DYNLL2: variants seen among roughly 807,000 people sequenced by gnomAD.
DYNLL2 encodes the protein dynein light chain 2, cytoplasmic.
DYNLL2 carries 1 observed loss-of-function variant against 9.7 expected under a neutral mutation model. That is an observed-to-expected ratio of 0.10 (90% CI 0.04 to 0.49). The LOEUF (loss-of-function observed/expected upper bound fraction) is 0.49. DYNLL2 is among the 20% of genes least tolerant of loss of function. The probability of loss-of-function intolerance (pLI) is 0.95; values close to 1 mark genes in which losing one functional copy is unlikely to be tolerated. For missense variants in DYNLL2, 37 were observed against 115.2 expected (o/e 0.32, Z 3.11); for synonymous variants, 35 against 40.5 (o/e 0.86, Z 0.52).
Position 58,089,558 on chromosome 17 carries a change from T to C in DYNLL2, c.*279T>C. On this transcript the variant is annotated 3_prime_UTR_variant, in exon 3 of 3. Transcript: ENST00000579991. ...CTAGGAAATCTCTCCCACCTCTCCC[T>C]TTTCTCTTTCTTTCCCTATACAAAA... 1 of 458,318 alleles carries C rather than the reference T, an allele frequency of 2.2e-6. No homozygotes were observed. Among genetic ancestry groups the C allele is most frequent in the South Asian group, 5.5e-5 (1 of 18,164 alleles). The allele number at this position is 458,318 out of a possible 1,614,324, so 28.4% of individuals were successfully genotyped here.
At chr17:58,083,989 G>C (rs1379137515) in intron 1 of DYNLL2, among the ~76,000 whole-genome samples, 1 of 151,906 alleles carries the variant, frequency 6.6e-6, no homozygotes, top group Non-Finnish European at 1.5e-5. Flanking sequence ...TCTGCGCTGC[G>C]TGGAGGCCCC....
chr17:58,088,156 C>T (rs2075767204), intron 2 of DYNLL2, among the ~76,000 whole-genome samples: 3 of 89,232 alleles, frequency 3.4e-5, no homozygotes, highest in African/African-American at 8.3e-5. Context: ...CTGTCCTGTA[C>T]TCTGAGAGCC....
intron 2 of DYNLL2, among the ~76,000 whole-genome samples, chr17:58,088,877 A>G (rs1472348947): frequency 1.3e-5 from 2 of 151,928 alleles, no homozygotes; most frequent in Non-Finnish European, 2.9e-5. Flanking sequence ...GGGAGGAGAG[A>G]TGATCAGGGT....
chr17:58,089,043 A>G, intron 2 of DYNLL2, 99 bp from the exon 3 acceptor site: 1 of 1,476,804 alleles, frequency 6.8e-7, no homozygotes, highest in East Asian at 2.3e-5. Flanking sequence ...TAACAACCAA[A>G]CGTGTCGGTG....
At chr17:58,088,693 C>T (rs190079107) in intron 2 of DYNLL2, among the ~76,000 whole-genome samples, 106 of 152,266 alleles carry the variant, frequency 7.0e-4, no homozygotes, top group African/African-American at 2.4e-3. Context: ...GCTCTAATGC[C>T]TTGGTGTTTA....
At position 58,094,024 on chromosome 17, in the gene DYNLL2, CCT is replaced by C. The variant is rs1851292721; in HGVS notation, c.*4749_*4750del. The C allele has an allele frequency of 6.6e-6, 1 of 152,160 alleles. No homozygotes were observed. Among genetic ancestry groups the C allele is most frequent in the Admixed American group, 6.5e-5 (1 of 15,272 alleles). The allele number at this position is 152,160 out of a possible 1,614,324, so 9.4% of individuals were successfully genotyped here. A position where few individuals can be genotyped will look rare whatever the true frequency, so the allele number is the denominator to read the frequency against. ...AGAACCAGCAGAACCCCAGGTTCTG[CCT>C]CTCCTTCCTCCCTTTGCCCAGATAA... On this transcript the variant is annotated 3_prime_UTR_variant, in exon 3 of 3. Coordinates refer to ENST00000579991, the MANE Select transcript of DYNLL2 (RefSeq NM_080677.3).
rs1320098867 is a variant in DYNLL2, at chr17:58,094,123, C to T, written c.*4844C>T. 1 of 152,136 alleles carries T rather than the reference C, an allele frequency of 6.6e-6. No homozygotes were observed. The highest frequency in any genetic ancestry group is 2.4e-5 in the African/African-American group (1 of 41,422). The allele number at this position is 152,136 out of a possible 1,614,324, so 9.4% of individuals were successfully genotyped here. The stretch of plus-strand genomic sequence containing the variant: ...GCTTTCTAGAGAGAATGCAAACATG[C>T]AAAAACAGTGTGGTAGTGTAGGCAG... On this transcript the variant is annotated 3_prime_UTR_variant, in exon 3 of 3. Coordinates refer to ENST00000579991, the MANE Select transcript of DYNLL2 (RefSeq NM_080677.3).
chr17:58,088,408 T>C (rs901324495), intron 2 of DYNLL2, among the ~76,000 whole-genome samples: 4 of 152,228 alleles, frequency 2.6e-5, no homozygotes, highest in Admixed American at 2.0e-4. Flanking sequence ...GGTGGGCCCA[T>C]GGTGGAGGGC....
intron 1 of DYNLL2, 49 bp from the exon 2 acceptor site, chr17:58,087,033 C>T (rs768672869): frequency 7.1e-5 from 113 of 1,601,106 alleles, no homozygotes; most frequent in Non-Finnish European, 9.4e-5. Flanking sequence ...CTAATGTTCA[C>T]TGCCCAGAGC....
chr17:58,088,269 C>T (rs559010839), intron 2 of DYNLL2, among the ~76,000 whole-genome samples: 8 of 152,160 alleles, frequency 5.3e-5, no homozygotes, highest in Admixed American at 1.3e-4. Context: ...AGTCTTGAGC[C>T]GAGATTGAAG....
At position 58,091,511 on chromosome 17, in the gene DYNLL2, A is replaced by G. The variant is rs900487837; in HGVS notation, c.*2232A>G. ...CATATTTTGTGTCTTTGGGATAGTA[A>G]CTGCTACCTTCCCAGCTGCCGTCAT... On this transcript the variant is annotated 3_prime_UTR_variant, in exon 3 of 3. Transcript: ENST00000579991. 2 of 152,196 alleles carry G rather than the reference A, an allele frequency of 1.3e-5. No individual in the cohort carries two copies. Among genetic ancestry groups the G allele is most frequent in the Non-Finnish European group, 2.9e-5 (2 of 68,086 alleles). 9.4% of individuals were successfully genotyped at this position (152,196 alleles called of 1,614,324 possible). A position where few individuals can be genotyped will look rare whatever the true frequency, so the allele number is the denominator to read the frequency against.
In DYNLL2 at chr17:58,089,757, A is replaced by C. The variant is rs1338545841; in HGVS notation, c.*478A>C. ...ACAGTGTTGGGATTGTCAAGGAAAA[A>C]GGGGTAGGAAGGAAGGTGGAGGGAT... On this transcript the variant is annotated 3_prime_UTR_variant, in exon 3 of 3. Coordinates refer to ENST00000579991, the MANE Select transcript of DYNLL2 (RefSeq NM_080677.3). 5.1e-6 allele frequency: 2 copies of C among 395,386 alleles called. No homozygotes were observed. The highest frequency in any genetic ancestry group is 8.9e-6 in the Non-Finnish European group (2 of 224,498). The allele number at this position is 395,386 out of a possible 1,614,324, so 24.5% of individuals were successfully genotyped here. A position where few individuals can be genotyped will look rare whatever the true frequency, so the allele number is the denominator to read the frequency against.
chr17:58,089,808 C>T lies in DYNLL2; in HGVS notation c.*529C>T. The stretch of plus-strand genomic sequence containing the variant: ...TGATCTAGTACCAGGGAGAATATTC[C>T]ACTGAACTGTGATTCTATGGCTTGG... On this transcript the variant is annotated 3_prime_UTR_variant, in exon 3 of 3. Coordinates refer to ENST00000579991, the MANE Select transcript of DYNLL2 (RefSeq NM_080677.3). 1 of 398,708 alleles carries T rather than the reference C, an allele frequency of 2.5e-6. No individual in the cohort carries two copies. Among genetic ancestry groups the T allele is most frequent in the Non-Finnish European group, 4.4e-6 (1 of 226,308 alleles). 24.7% of individuals were successfully genotyped at this position (398,708 alleles called of 1,614,324 possible).
chr17:58,090,113 C>T lies in DYNLL2; in HGVS notation c.*834C>T. 1 of 391,816 alleles carries T rather than the reference C, an allele frequency of 2.6e-6. No individual in the cohort carries two copies. Among genetic ancestry groups the T allele is most frequent in the Non-Finnish European group, 4.5e-6 (1 of 222,342 alleles). The allele number at this position is 391,816 out of a possible 1,614,324, so 24.3% of individuals were successfully genotyped here. A position where few individuals can be genotyped will look rare whatever the true frequency, so the allele number is the denominator to read the frequency against. ...TCATTCCTCTGGAGTTCTCTTAGAG[C>T]AGCCCCTGTTGTTAGTTGGCTGGCA... is the stretch of plus-strand genomic sequence containing the variant. On this transcript the variant is annotated 3_prime_UTR_variant, in exon 3 of 3. Coordinates refer to ENST00000579991, the MANE Select transcript of DYNLL2 (RefSeq NM_080677.3).
rs768287572 is a variant in DYNLL2, at chr17:58,091,469, G to T, written c.*2190G>T. 1 of 152,252 alleles carries T rather than the reference G, an allele frequency of 6.6e-6. No individual in the cohort carries two copies. The highest frequency in any genetic ancestry group is 1.5e-5 in the Non-Finnish European group (1 of 68,128). 9.4% of individuals were successfully genotyped at this position (152,252 alleles called of 1,614,324 possible). On this transcript the variant is annotated 3_prime_UTR_variant, in exon 3 of 3. Coordinates refer to ENST00000579991, the MANE Select transcript of DYNLL2 (RefSeq NM_080677.3). ...CTCCTGGGTTCTGCCTTCCTTGGTG[G>T]TGATGGCCAGGTGAATCATATTTTG...
chr17:58,085,061 A>AC (rs1293297380), intron 1 of DYNLL2, among the ~76,000 whole-genome samples: 1 of 152,212 alleles, frequency 6.6e-6, no homozygotes, highest in Admixed American at 6.5e-5. Flanking sequence ...CATTCCTTGA[A>AC]CAGGGTTCTC....
At position 58,090,173 on chromosome 17, in the gene DYNLL2, G is replaced by C; in HGVS notation, c.*894G>C. The C allele has an allele frequency of 5.6e-6, 2 of 356,660 alleles. No homozygotes were observed. Among genetic ancestry groups the C allele is most frequent in the South Asian group, 3.0e-4 (2 of 6,656 alleles). 22.1% of individuals were successfully genotyped at this position (356,660 alleles called of 1,614,324 possible). A position where few individuals can be genotyped will look rare whatever the true frequency, so the allele number is the denominator to read the frequency against. ...CTGGTGACTGTAGTTCCTTAGTTAG[G>C]TCTTAGCAATCAAACCAAATTGATG... On this transcript the variant is annotated 3_prime_UTR_variant, in exon 3 of 3. Transcript: ENST00000579991.
At position 58,092,193 on chromosome 17, in the gene DYNLL2, A is replaced by C. The variant is rs375620719; in HGVS notation, c.*2914A>C. ...TAAGTTGAGAGACTCTAGAGCCCCA[A>C]CTTCTGTTACTGCTTTAGCTGTCGT... On this transcript the variant is annotated 3_prime_UTR_variant, in exon 3 of 3. Coordinates refer to ENST00000579991, the MANE Select transcript of DYNLL2 (RefSeq NM_080677.3). 4 of 152,358 alleles carry C rather than the reference A, an allele frequency of 2.6e-5. No homozygotes were observed. Among genetic ancestry groups the C allele is most frequent in the South Asian group, 4.2e-4 (2 of 4,818 alleles). 9.4% of individuals were successfully genotyped at this position (152,358 alleles called of 1,614,324 possible). A position where few individuals can be genotyped will look rare whatever the true frequency, so the allele number is the denominator to read the frequency against.
At chr17:58,085,840 T>G (rs2075758082) in intron 1 of DYNLL2, among the ~76,000 whole-genome samples, 1 of 152,220 alleles carries the variant, frequency 6.6e-6, no homozygotes, top group Admixed American at 6.5e-5. Context: ...GCTTCAGCAT[T>G]CCTTTGAGGA....
Sources: gnomAD v4.1 joint callset for allele counts (sites outside exome capture counted in the v4.1 genomes callset) on GRCh38, gnomAD v4.1.1 for gene constraint, MANE v1.5 for transcripts, NCBI Gene and HGNC (gene_info 2026-07-23, HGNC 2026-07-21) for gene names.